GLRA1: variants seen among roughly 807,000 people sequenced by gnomAD.
GLRA1 encodes the protein glycine receptor subunit alpha-1.
A neutral mutation model predicts 48.3 loss-of-function variants in GLRA1; 37 were observed. The ratio of observed to expected loss-of-function variants is 0.77; its 90% CI spans 0.59 to 1.01. GLRA1 has a LOEUF of 1.01. Ranked by LOEUF, GLRA1 falls within the 50% of genes least tolerant of loss-of-function variation. The pLI is 0.00. For missense variants in GLRA1, 427 were observed against 571.0 expected, an observed-to-expected ratio of 0.75 and a Z score of 2.57; for synonymous variants, 196 against 210.7, an observed-to-expected ratio of 0.93 and a Z score of 0.60.
chr5:151,866,536 C>G (rs1486265999), intron 3 of GLRA1, among the ~76,000 whole-genome samples: 2 of 152,152 alleles, frequency 1.3e-5, no homozygotes, highest in Admixed American at 1.3e-4. Context: ...GGGCCCATTG[C>G]AGTCAGAACC....
chr5:151,891,911 C>T (rs767398610), intron 2 of GLRA1, among the ~76,000 whole-genome samples: 2 of 151,994 alleles, frequency 1.3e-5, no homozygotes, highest in Non-Finnish European at 2.9e-5. Context: ...CCAAAGTTGC[C>T]AAGCCCATTA....
intron 1 of GLRA1, among the ~76,000 whole-genome samples, chr5:151,921,581 G>A (rs1228515798): frequency 6.6e-6 from 1 of 152,210 alleles, no homozygotes; most frequent in Non-Finnish European, 1.5e-5. Context: ...TGCTCAGAAG[G>A]CAAGAGAATT....
intron 7 of GLRA1, chr5:151,850,245 G>C (rs759003935): frequency 4.5e-5 from 72 of 1,604,716 alleles, no homozygotes; most frequent in Non-Finnish European, 6.0e-5. Context: ...AGCCAAGATG[G>C]TGGGTACTAA....
chr5:151,835,861 T>G (rs145729638), intron 7 of GLRA1, among the ~76,000 whole-genome samples: 157 of 152,282 alleles, frequency 1.0e-3, no homozygotes, highest in African/African-American at 3.8e-3. Context: ...TCATATAGAA[T>G]GAGCAAAAGC....
At chr5:151,836,137 A>G (rs774207621) in intron 7 of GLRA1, among the ~76,000 whole-genome samples, 3 of 152,242 alleles carry the variant, frequency 2.0e-5, no homozygotes, top group Non-Finnish European at 4.4e-5. Context: ...TCAATGTGCA[A>G]AAATCACAAG....
chr5:151,842,473 C>T (rs13168002), intron 7 of GLRA1, among the ~76,000 whole-genome samples: 43,830 of 152,018 alleles, frequency 0.29, 8,391 homozygotes, highest in Non-Finnish European at 0.42. Flanking sequence ...AAAAATCAGT[C>T]ACCATATGAA....
intron 7 of GLRA1, among the ~76,000 whole-genome samples, chr5:151,846,492 A>G (rs1288354692): frequency 6.6e-6 from 1 of 152,248 alleles, no homozygotes; most frequent in African/African-American, 2.4e-5. Flanking sequence ...GGATTCAAGC[A>G]TTTGTAGTGA....
At chr5:151,913,158 T>C (rs1754658630) in intron 1 of GLRA1, among the ~76,000 whole-genome samples, 2 of 152,254 alleles carry the variant, frequency 1.3e-5, no homozygotes, top group Non-Finnish European at 2.9e-5. Context: ...AAAATGTGTT[T>C]GAAGTGGGAC....
At chr5:151,883,369 G>T (rs1753809418) in intron 3 of GLRA1, among the ~76,000 whole-genome samples, 1 of 152,160 alleles carries the variant, frequency 6.6e-6, no homozygotes, top group Non-Finnish European at 1.5e-5. Context: ...TGTAGGTCCT[G>T]GTCCTCCAAT....
intron 7 of GLRA1, among the ~76,000 whole-genome samples, chr5:151,849,464 C>CTTTCCTTTCCT (rs1561555203): frequency 1.4e-4 from 4 of 29,552 alleles, no homozygotes; most frequent in African/African-American, 1.9e-4. Context: ...TCCTTCCTTC[C>CTTTCCTTTCCT]TTCCTTCCTT....
chr5:151,881,470 G>A (rs1043695566), intron 3 of GLRA1, among the ~76,000 whole-genome samples: 1 of 148,314 alleles, frequency 6.7e-6, no homozygotes, highest in South Asian at 2.1e-4. Flanking sequence ...GGAACTACAA[G>A]CATGTGCCAC....
chr5:151,885,839 T>G (rs987830649), intron 3 of GLRA1, among the ~76,000 whole-genome samples: 2 of 152,088 alleles, frequency 1.3e-5, no homozygotes, highest in Non-Finnish European at 2.9e-5. Flanking sequence ...GATTTGTGTT[T>G]TGGAAAGGCT....
intron 8 of GLRA1, among the ~76,000 whole-genome samples, chr5:151,827,703 A>G (rs1487698491): frequency 1.3e-5 from 2 of 152,172 alleles, no homozygotes; most frequent in Non-Finnish European, 2.9e-5. Flanking sequence ...ATTAATAGAC[A>G]ACGATTTTAA....
At chr5:151,904,851 G>A (rs866347819) in intron 1 of GLRA1, among the ~76,000 whole-genome samples, 57 of 152,312 alleles carry the variant, frequency 3.7e-4, no homozygotes, top group African/African-American at 1.2e-3. Flanking sequence ...TCTAGGCTTT[G>A]TGATGGGGGA....
chr5:151,906,353 A>G (rs1368931344), intron 1 of GLRA1, among the ~76,000 whole-genome samples: 1 of 152,216 alleles, frequency 6.6e-6, no homozygotes, highest in African/African-American at 2.4e-5. Flanking sequence ...AAATCCGAAG[A>G]CTGAAAGAGT....
chr5:151,906,459 A>T (rs1467528704), intron 1 of GLRA1, among the ~76,000 whole-genome samples: 3 of 152,140 alleles, frequency 2.0e-5, no homozygotes, highest in Non-Finnish European at 4.4e-5. Context: ...AGGGACATTA[A>T]CAGGCTGGAG....
rs752781486 is a variant in GLRA1, at chr5:151,822,692, T to C, written c.1331A>G (p.Glu444Gly). Reference protein sequence around the residue: ...YWIIYKIVRREDVHNQ With the variant: ...YWIIYKIVRRGDVHNQ The stretch of plus-strand genomic sequence containing the variant: ...GACCCTTCACTGGTTGTGGACGTCC[T>C]CTCTACGGACAATCTTGTAGATGAT... The change falls in exon 9 of 9, where the codon GAG becomes GGG. Residue 444 changes from glutamate to glycine, a missense_variant. Around this residue, in one of 4 missense-constraint regions of GLRA1, gnomAD observed 121 missense variants for 96.5 expected, o/e 1.25. Coordinates refer to ENST00000274576, the MANE Select transcript of GLRA1 (RefSeq NM_000171.4). 1.5e-5 allele frequency: 24 copies of C among 1,613,136 alleles called. No individual in the cohort carries two copies. The highest frequency in any genetic ancestry group is 2.5e-6 in the Non-Finnish European group (3 of 1,179,326).
chr5:151,878,583 G>A (rs569122494), intron 3 of GLRA1, among the ~76,000 whole-genome samples: 7 of 152,134 alleles, frequency 4.6e-5, no homozygotes, highest in Admixed American at 2.6e-4. Context: ...GGAGAAAATC[G>A]TTTCGTGGGC....
chr5:151,840,794 G>A (rs1388585149), intron 7 of GLRA1, among the ~76,000 whole-genome samples: 3 of 147,560 alleles, frequency 2.0e-5, no homozygotes, highest in Non-Finnish European at 3.0e-5. Context: ...AAGAGATGAA[G>A]AGCATTTGAT....
Sources: allele counts gnomAD v4.1 joint callset (sites outside exome capture counted in the v4.1 genomes callset), GRCh38; gene constraint gnomAD v4.1.1; regional missense constraint gnomAD v4.1.1; transcripts MANE v1.5; gene names NCBI Gene and HGNC (gene_info 2026-07-23, HGNC 2026-07-21).